STK32C: variants seen among roughly 807,000 people sequenced by gnomAD.
STK32C encodes serine/threonine kinase 32C.
Under a neutral mutation model 56.5 loss-of-function variants are expected in STK32C, and 31 were observed. The observed-to-expected ratio is 0.55, with a 90% CI of 0.41 to 0.74. The LOEUF is 0.74. Ranked by LOEUF, STK32C falls within the 30% of genes least tolerant of loss-of-function variation. The probability of loss-of-function intolerance (pLI) is 0.00; values close to 1 mark genes in which losing one functional copy is unlikely to be tolerated. For synonymous variants in STK32C, 309 were observed against 289.4 expected (o/e 1.07, Z -0.69); for missense variants, 544 against 676.9 (o/e 0.80, Z 2.18).
rs545991894 is a variant in STK32C at position 132,236,694 on chromosome 10, G to A, written c.319-8566C>T. Among the ~76,000 whole-genome samples the A allele has an allele frequency of 7.9e-5, 12 of 152,286 alleles. No homozygotes were observed. In the East Asian group the frequency reaches 1.9e-3, roughly 25 times the overall value. ...CCCACCCACCCCAGTGGCTCCAGCC[G>A]GCAGCCAGAGATAGAAACTTAGAGG... On this transcript the variant is annotated intron_variant, in intron 2 of 11. Transcript: ENST00000298630.
intron 2 of STK32C, among the ~76,000 whole-genome samples, chr10:132,238,127 C>T (rs545807156): frequency 1.1e-3 from 173 of 152,298 alleles, no homozygotes; most frequent in African/African-American, 3.9e-3. Context: ...GGGGAACTTC[C>T]TCCCACCATC....
intron 1 of STK32C, among the ~76,000 whole-genome samples, chr10:132,268,205 GTGCA>G (rs1199430947): frequency 6.8e-6 from 1 of 148,014 alleles, no homozygotes; most frequent in African/African-American, 2.5e-5. Context: ...CTATGCCTGT[GTGCA>G]TGCATGTCCC....
chr10:132,250,223 G>A (rs1013620639), intron 1 of STK32C, among the ~76,000 whole-genome samples: 2 of 152,248 alleles, frequency 1.3e-5, no homozygotes, highest in African/African-American at 2.4e-5. Context: ...GAGGACAGGT[G>A]TGTGTGAGGC....
At chr10:132,227,087 C>T in intron 3 of STK32C, 119 bp from the exon 4 acceptor site, 1 of 1,210,790 alleles carries the variant, frequency 8.3e-7, no homozygotes, top group Admixed American at 2.1e-5. Context: ...AGCCACCAGG[C>T]ATTCCCAGGA....
intron 4 of STK32C, 40 bp downstream of exon 4, chr10:132,226,755 C>T: frequency 1.9e-6 from 3 of 1,597,674 alleles, no homozygotes; most frequent in Non-Finnish European, 2.6e-6. Context: ...TCAGCCCCGC[C>T]CACCTCAGCA....
At chr10:132,211,132 G>T (rs888635059) in intron 10 of STK32C, among the ~76,000 whole-genome samples, 1 of 152,306 alleles carries the variant, frequency 6.6e-6, no homozygotes, top group East Asian at 1.9e-4. Context: ...CCTGTCCTTA[G>T]TCATCAAGAA....
chr10:132,280,543 ACCGTGACCACGCCCCTGCACC>A (rs756862425), intron 1 of STK32C, among the ~76,000 whole-genome samples: 1,169 of 59,062 alleles, frequency 0.02, 6 homozygotes, highest in Non-Finnish European at 0.029. Flanking sequence ...AGGCCTCCAC[ACCGTGACCACGCCCCTGCACC>A]CCGTGACCAC....
chr10:132,303,871 A>T (rs2065980746), intron 1 of STK32C, among the ~76,000 whole-genome samples: 3 of 152,212 alleles, frequency 2.0e-5, no homozygotes, highest in African/African-American at 7.2e-5. Context: ...CTCCGCTGGC[A>T]GCAGGTGGTC....
rs2138511491 is a variant in STK32C, at chr10:132,330,381, G to A, written c.301+1055C>T. On this transcript the variant is annotated intron_variant, in intron 1 of 1. Coordinates refer to the STK32C transcript ENST00000368619. ...CGTGCTGAAATCTTCCATCCCCTTCGCCACTCACGGCAACACCCATGTCAC... is the reference window on the plus strand; with the variant it reads ...CGTGCTGAAATCTTCCATCCCCTTCACCACTCACGGCAACACCCATGTCAC... 4.2e-6 allele frequency: 3 copies of A among 707,544 alleles called. No individual in the cohort carries two copies. In the South Asian group the frequency reaches 4.5e-5, roughly 11 times the overall value. The allele number at this position is 707,544 out of a possible 1,614,324, so 43.8% of individuals were successfully genotyped here.
chr10:132,321,756 C>T (rs565006911), downstream of STK32C, among the ~76,000 whole-genome samples: 21 of 152,238 alleles, frequency 1.4e-4, no homozygotes, highest in East Asian at 3.9e-4. Context: ...ACCTGGGAGG[C>T]GGAGGGTTGG....
chr10:132,212,787 C>T (rs774875276), intron 10 of STK32C, among the ~76,000 whole-genome samples: 4 of 152,218 alleles, frequency 2.6e-5, no homozygotes, highest in African/African-American at 4.8e-5. Flanking sequence ...CCCATCCCTG[C>T]GACAGGAAAA....
At chr10:132,263,025 G>A (rs1350478997) in intron 1 of STK32C, among the ~76,000 whole-genome samples, 1 of 152,208 alleles carries the variant, frequency 6.6e-6, no homozygotes, top group African/African-American at 2.4e-5. Context: ...AGCCACTGTG[G>A]AAAGCAGTTT....
At position 132,267,982 on chromosome 10, in the gene STK32C, C is replaced by CGT. The variant is rs59730124; in HGVS notation, c.263-22029_263-22028dup. On this transcript the variant is annotated intron_variant, in intron 1 of 11. Transcript: ENST00000298630. ...GTCTGTGTGCATGCATGTCCCACAT[C>CGT]GTGTGTGTGTGTGTGTGTCGGTGTG... Among the ~76,000 whole-genome samples the CGT allele has an allele frequency of 3.4e-3, 275 of 80,522 alleles. 2 individuals carry two copies. The highest frequency in any genetic ancestry group is 4.8e-3 in the South Asian group (11 of 2,310). The allele number at this position is 80,522 out of a possible 152,430, so 52.8% of individuals were successfully genotyped here. A position where few individuals can be genotyped will look rare whatever the true frequency, so the allele number is the denominator to read the frequency against.
chr10:132,247,330 ACCCCAGGATAG>A (rs1269456326), intron 1 of STK32C, among the ~76,000 whole-genome samples: 1 of 152,138 alleles, frequency 6.6e-6, no homozygotes, highest in Non-Finnish European at 1.5e-5. Flanking sequence ...TTCCCAGGGC[ACCCCAGGATAG>A]CCCCAGGTTT....
chr10:132,280,566 C>CCTGCACCCT (rs1564772792), intron 1 of STK32C, among the ~76,000 whole-genome samples: 1 of 134,084 alleles, frequency 7.5e-6, no homozygotes, highest in African/African-American at 2.8e-5. Context: ...CCCTGCACCC[C>CCTGCACCCT]GTGACCACGC....
chr10:132,322,549 TGCACTG>T (rs2066430117), downstream of STK32C, among the ~76,000 whole-genome samples: 1 of 152,252 alleles, frequency 6.6e-6, no homozygotes, highest in South Asian at 2.1e-4. Context: ...TATAAACTCT[TGCACTG>T]GCGCATAGCA....
intron 1 of STK32C, among the ~76,000 whole-genome samples, chr10:132,315,643 G>C (rs922200930): frequency 1.7e-4 from 26 of 152,118 alleles, no homozygotes; most frequent in Non-Finnish European, 3.5e-4. Flanking sequence ...TTCCATCTCA[G>C]GAATTGCTAG....
At chr10:132,310,844 A>C (rs1011273227), upstream of STK32C, among the ~76,000 whole-genome samples, 5 of 152,236 alleles carry the variant, frequency 3.3e-5, no homozygotes, top group Non-Finnish European at 5.9e-5. The surrounding 1 kb of genome is among the most constrained non-coding windows in gnomAD (Gnocchi z 4.6). Context: ...GTCTCTGAGC[A>C]GGTGACCTTG....
intron 1 of STK32C, among the ~76,000 whole-genome samples, chr10:132,304,013 G>GCTCT (rs1339267364): frequency 6.6e-6 from 1 of 152,226 alleles, no homozygotes; most frequent in African/African-American, 2.4e-5. Flanking sequence ...TGCTCAGAGA[G>GCTCT]GGACCAATTG....
Sources: allele counts gnomAD v4.1 joint callset (sites outside exome capture counted in the v4.1 genomes callset), GRCh38; gene constraint gnomAD v4.1.1; non-coding constraint Gnocchi (gnomAD v3.1); transcripts MANE v1.5; gene names NCBI Gene and HGNC (gene_info 2026-07-23, HGNC 2026-07-21).